ACAP1: variants seen among roughly 807,000 people sequenced by gnomAD.
ACAP1 encodes ArfGAP with coiled-coil, ankyrin repeat and PH domains 1.
A neutral mutation model predicts 98.8 loss-of-function variants in ACAP1; 45 were observed. That is an observed-to-expected ratio of 0.46 (90% CI 0.36 to 0.58). ACAP1 has a LOEUF of 0.58. ACAP1 is among the 20% of genes least tolerant of loss of function. The pLI is 0.00. For synonymous variants in ACAP1, 362 were observed against 375.3 expected, an observed-to-expected ratio of 0.96 and a Z score of 0.41; for missense variants, 735 against 971.4, an observed-to-expected ratio of 0.76 and a Z score of 3.24.
rs1316599797 is a variant in ACAP1 at position 7,344,680 on chromosome 17, C to G, written c.854+32C>G. 38 of 1,479,138 alleles carry G rather than the reference C, an allele frequency of 2.6e-5. No homozygotes were observed. Among genetic ancestry groups the G allele is most frequent in the African/African-American group, 5.6e-5 (4 of 71,518 alleles). The allele number at this position is 1,479,138 out of a possible 1,614,324, so 91.6% of individuals were successfully genotyped here. A position where few individuals can be genotyped will look rare whatever the true frequency, so the allele number is the denominator to read the frequency against. Reference sequence around the variant, plus strand: ...AGAGGACACCCCCAATCAGCCCGCCCCACCCAATGATGTATTTTCGAGTGG... The same window carrying G: ...AGAGGACACCCCCAATCAGCCCGCCGCACCCAATGATGTATTTTCGAGTGG... On this transcript the variant is annotated intron_variant, in intron 10 of 21. Transcript: ENST00000158762. The surrounding 1 kb of genome is among the most constrained non-coding windows in gnomAD (Gnocchi z 4.9).
At position 7,342,063 on chromosome 17, in the gene ACAP1, T is replaced by C. The variant is rs140728746; in HGVS notation, c.227T>C (p.Met76Thr). Reference sequence around the variant, plus strand: ...CGCCTGGGTCCACCAGAGCCCATGATGGCGGTATGCGGAGGGTCTGCATCT... The same window carrying C: ...CGCCTGGGTCCACCAGAGCCCATGACGGCGGTATGCGGAGGGTCTGCATCT... ...LARLGPPEPM[M>T]AECLEKFTVS... Residue 76 changes from methionine (M) to threonine (T), a missense_variant, in exon 3 of 22, where the codon ATG becomes ACG. Met to Thr is a moderately conservative substitution (Grantham distance 81). Coordinates refer to ENST00000158762, the MANE Select transcript of ACAP1 (RefSeq NM_014716.4). 6.4e-5 allele frequency: 104 copies of C among 1,613,838 alleles called. No homozygotes were observed. The African/African-American group carries it at 1.3e-3, about 20-fold the overall frequency.
chr17:7,348,161 A>G lies in ACAP1; in HGVS notation c.1448A>G (p.Gln483Arg). The change falls in exon 16 of 22, where the codon CAG becomes CGG. Residue 483 changes from glutamine (Q) to arginine (R), a missense_variant. Transcript: ENST00000158762. ...MCELGNVIIN[Q>R]IYEARVEAMA... is the part of the protein sequence containing the mutation. ...GAGCTGGGAAATGTCATCATCAACC[A>G]GATCTATGAGGCCCGCGTGGAGGCC... is the stretch of plus-strand genomic sequence containing the variant. 6.2e-7 allele frequency: 1 copy of G among 1,614,046 alleles called. No homozygotes were observed. The highest frequency in any genetic ancestry group is 2.2e-5 in the East Asian group (1 of 44,878).
chr17:7,349,770 C>T (rs1310237142), intron 18 of ACAP1, 175 bp from the exon 19 acceptor site: 1 of 561,492 alleles, frequency 1.8e-6, no homozygotes, highest in Admixed American at 3.2e-5. Flanking sequence ...TATATGAATA[C>T]ATGCAAAGAG....
intron 14 of ACAP1, 172 bp downstream of exon 14, chr17:7,347,414 G>C (rs1449135743): frequency 7.6e-6 from 5 of 658,366 alleles, no homozygotes; most frequent in Admixed American, 3.3e-5. Flanking sequence ...GTGCCAGTTG[G>C]ACCCAGGCGG....
intron 12 of ACAP1, 90 bp downstream of exon 12, chr17:7,346,581 G>A: frequency 7.8e-7 from 1 of 1,273,936 alleles, no homozygotes; most frequent in Non-Finnish European, 1.1e-6. Context: ...GGCCCCCCAT[G>A]CAGCTCCAGA....
Position 7,349,444 on chromosome 17 carries a change from C to T in ACAP1, c.1851+277C>T, listed in dbSNP as rs1463736264. The T allele has an allele frequency of 2.0e-5, 7 of 347,764 alleles. No individual in the cohort carries two copies. In the Admixed American group the frequency reaches 2.7e-4, roughly 13 times the overall value. 21.5% of individuals were successfully genotyped at this position (347,764 alleles called of 1,614,324 possible). On this transcript the variant is annotated intron_variant, in intron 18 of 21. Transcript: ENST00000158762. ...AGGCTGGAGTGCAATGGTGCGATCT[C>T]GGCTCACTGCAAGCTCCGCCTCCCG...
intron 10 of ACAP1, chr17:7,345,324 T>C (rs2143017218): frequency 6.6e-6 from 1 of 152,206 alleles, no homozygotes; most frequent in East Asian, 1.9e-4. Flanking sequence ...CTTTTCTTTT[T>C]TTTTTTCTGT....
chr17:7,349,624 C>G (rs1438195831), intron 18 of ACAP1: 2 of 307,012 alleles, frequency 6.5e-6, no homozygotes, highest in Non-Finnish European at 1.2e-5. Flanking sequence ...ATCCACCCGC[C>G]TCGGCCTCCC....
Position 7,343,642 on chromosome 17 carries a change from G to A in ACAP1, c.529-64G>A. The stretch of plus-strand genomic sequence containing the variant: ...GGCTTGGGGGTCTCCAGTGTGCAGT[G>A]GGAAGGGGTGCTGTGTCTTCAAGAC... On this transcript the variant is annotated intron_variant, in intron 6 of 21. Coordinates refer to ENST00000158762, the MANE Select transcript of ACAP1 (RefSeq NM_014716.4). This position sits in a 1 kb window ranked among gnomAD's most constrained non-coding sequence, Gnocchi z 4.9. The A allele has an allele frequency of 6.3e-7, 1 of 1,598,696 alleles. No individual in the cohort carries two copies. The highest frequency in any genetic ancestry group is 1.1e-5 in the South Asian group (1 of 88,876).
rs572323683 is a variant in ACAP1 at position 7,344,792 on chromosome 17, A to C, written c.854+144A>C. The C allele has an allele frequency of 2.5e-4, 156 of 632,028 alleles. 1 individual carries two copies. In the South Asian group the frequency reaches 3.0e-3, roughly 12 times the overall value. The allele number at this position is 632,028 out of a possible 1,614,324, so 39.2% of individuals were successfully genotyped here. ...ATTCCATCAGCAAAGACAGAGGATA[A>C]ACCTAGTATGTAAATTACGTGCTAT... is the stretch of plus-strand genomic sequence containing the variant. On this transcript the variant is annotated intron_variant, in intron 10 of 21. Coordinates refer to ENST00000158762, the MANE Select transcript of ACAP1 (RefSeq NM_014716.4). The surrounding 1 kb of genome is among the most constrained non-coding windows in gnomAD (Gnocchi z 4.9).
intron 21 of ACAP1, 38 bp downstream of exon 21, chr17:7,351,037 C>T (rs769507582): frequency 3.5e-5 from 56 of 1,600,222 alleles, no homozygotes; most frequent in East Asian, 4.5e-5. Context: ...AGGCCCAACA[C>T]CTGAACTCTG....
At position 7,343,242 on chromosome 17, in the gene ACAP1, A is replaced by T; in HGVS notation, c.345-137A>T. ...GAGATTGGGGGTTTCTGGTGTCCTGACTTCCGTCCCAGGGATCACCTTGGG... is the reference window on the plus strand; with the variant it reads ...GAGATTGGGGGTTTCTGGTGTCCTGTCTTCCGTCCCAGGGATCACCTTGGG... On this transcript the variant is annotated intron_variant, in intron 5 of 21. Coordinates refer to ENST00000158762, the MANE Select transcript of ACAP1 (RefSeq NM_014716.4). This position sits in a 1 kb window ranked among gnomAD's most constrained non-coding sequence, Gnocchi z 4.9. 2 of 883,574 alleles carry T rather than the reference A, an allele frequency of 2.3e-6. No homozygotes were observed. The highest frequency in any genetic ancestry group is 3.4e-6 in the Non-Finnish European group (2 of 582,722). 54.7% of individuals were successfully genotyped at this position (883,574 alleles called of 1,614,324 possible). A position where few individuals can be genotyped will look rare whatever the true frequency, so the allele number is the denominator to read the frequency against.
Position 7,342,055 on chromosome 17 carries a change from G to A in ACAP1, c.219G>A (p.Glu73=), listed in dbSNP as rs750187094. The change falls in exon 3 of 22, where the codon GAG becomes GAA. Residue 73 remains glutamate (E), a synonymous_variant. Coordinates refer to ENST00000158762, the MANE Select transcript of ACAP1 (RefSeq NM_014716.4). ...ACCTGGCCCGCCTGGGTCCACCAGA[G>A]CCCATGATGGCGGTATGCGGAGGGT... ...ICDLARLGPP[E]PMMAECLEKF... is the part of the protein sequence containing the mutation. 19 of 1,613,854 alleles carry A rather than the reference G, an allele frequency of 1.2e-5. No homozygotes were observed. The highest frequency in any genetic ancestry group is 1.6e-5 in the Non-Finnish European group (19 of 1,179,996).
At chr17:7,351,268 C>T in intron 21 of ACAP1, 27 bp from the exon 22 acceptor site, 1 of 1,585,980 alleles carries the variant, frequency 6.3e-7, no homozygotes, top group Non-Finnish European at 8.6e-7. Flanking sequence ...GGCCCAGCCG[C>T]CTCCCGGCCT....
At chr17:7,351,071 TCTCC>T (rs2073404911) in intron 21 of ACAP1, 72 bp downstream of exon 21, 1 of 1,437,650 alleles carries the variant, frequency 7.0e-7, no homozygotes, top group Non-Finnish European at 9.8e-7. Flanking sequence ...CGGTGACCTC[TCTCC>T]CTAGTGCCCA....
At position 7,336,699 on chromosome 17, in the gene ACAP1, T is replaced by G; in HGVS notation, c.-36T>G. ...CACCTGCATCCCCAGGGGCCCGGCC[T>G]CCAGGGCCCGCTGGCCCCACAGCAG... On this transcript the variant is annotated 5_prime_UTR_variant, in exon 1 of 22. Coordinates refer to ENST00000158762, the MANE Select transcript of ACAP1 (RefSeq NM_014716.4). 1 of 1,612,814 alleles carries G rather than the reference T, an allele frequency of 6.2e-7. No individual in the cohort carries two copies. The highest frequency in any genetic ancestry group is 8.5e-7 in the Non-Finnish European group (1 of 1,179,088).
chr17:7,337,486 G>A (rs2073232528), intron 2 of ACAP1, 117 bp downstream of exon 2: 2 of 952,410 alleles, frequency 2.1e-6, no homozygotes, highest in South Asian at 1.5e-5. Flanking sequence ...GTGTAGGGGA[G>A]ATATTTTGGA....
At chr17:7,339,381 C>T (rs1279270746) in intron 2 of ACAP1, among the ~76,000 whole-genome samples, 1 of 152,044 alleles carries the variant, frequency 6.6e-6, no homozygotes, top group Non-Finnish European at 1.5e-5. Flanking sequence ...TAGGCTGCGG[C>T]AGGTGGATCA....
Position 7,344,076 on chromosome 17 carries a change from C to G in ACAP1, c.697C>G (p.Arg233Gly). The change falls in exon 9 of 22, where the codon CGA becomes GGA. Residue 233 changes from arginine (R) to glycine (G), a missense_variant. Around this residue, in one of 5 missense-constraint regions of ACAP1, gnomAD observed 430 missense variants for 531.8 expected, o/e 0.81. Transcript: ENST00000158762. The surrounding 1 kb of genome is among the most constrained non-coding windows in gnomAD (Gnocchi z 4.9). ...GCACCAGCTGGTCTTGAATTCAGCA[C>G]GAGAGAAGAGGGACATGGAGCAGAG... ...QLHQLVLNSA[R>G]EKRDMEQRHV... The G allele has an allele frequency of 3.1e-6, 5 of 1,592,888 alleles. No homozygotes were observed. The highest frequency in any genetic ancestry group is 4.3e-6 in the Non-Finnish European group (5 of 1,169,172).
Sources: gnomAD v4.1 joint callset for allele counts (sites outside exome capture counted in the v4.1 genomes callset) on GRCh38, gnomAD v4.1.1 for gene constraint, gnomAD v4.1.1 regional missense constraint, Gnocchi (gnomAD v3.1) non-coding constraint, MANE v1.5 for transcripts, NCBI Gene and HGNC (gene_info 2026-07-23, HGNC 2026-07-21) for gene names.